The following KLHL18 variants were observed in gnomAD, a reference collection of about 807,000 sequenced individuals.
KLHL18 encodes the protein kelch-like protein 18.
In KLHL18, 38 loss-of-function variants were observed where a neutral mutation model predicts 58.5. That is an observed-to-expected ratio of 0.65 (90% CI 0.50 to 0.85). The LOEUF (loss-of-function observed/expected upper bound fraction) is 0.85, where lower values mean the gene tolerates loss of function less well. Ranked by LOEUF, KLHL18 falls within the 40% of genes least tolerant of loss-of-function variation. The pLI is 0.00. For missense variants in KLHL18, 624 were observed against 778.4 expected (o/e 0.80, Z 2.36); for synonymous variants, 303 against 301.9 (o/e 1.00, Z -0.04).
intron 1 of KLHL18, among the ~76,000 whole-genome samples, chr3:47,288,017 TC>T (rs1199532798): frequency 6.6e-6 from 1 of 151,610 alleles, no homozygotes; most frequent in African/African-American, 2.4e-5. Flanking sequence ...GATCAAGAGA[TC>T]AAGAACATCC....
At position 47,334,840 on chromosome 3, in the gene KLHL18, A is replaced by G. The variant is rs1185389005; in HGVS notation, c.898+21A>G. 5 of 1,598,686 alleles carry G rather than the reference A, an allele frequency of 3.1e-6. No individual in the cohort carries two copies. The South Asian group carries it at 3.4e-5, about 11-fold the overall frequency. On this transcript the variant is annotated intron_variant, in intron 6 of 9. Transcript: ENST00000232766. This position sits in a 1 kb window ranked among gnomAD's most constrained non-coding sequence, Gnocchi z 4.7. Reference sequence around the variant, plus strand: ...AGCAGGTACCTTGCGGCTCCCCTTTATAGACCCTCCTCTTGGACTCCATGG... The same window carrying G: ...AGCAGGTACCTTGCGGCTCCCCTTTGTAGACCCTCCTCTTGGACTCCATGG...
chr3:47,338,507 T>C (rs1289426385), intron 7 of KLHL18: 1 of 152,214 alleles, frequency 6.6e-6, no homozygotes, highest in Admixed American at 6.5e-5. Context: ...GTGGATCAGT[T>C]TGATTACTAT....
At chr3:47,330,975 G>A (rs1703844541) in intron 4 of KLHL18, among the ~76,000 whole-genome samples, 3 of 150,474 alleles carry the variant, frequency 2.0e-5, no homozygotes, top group Admixed American at 6.6e-5. Flanking sequence ...CAAGTGACCC[G>A]CCCATCTTGG....
chr3:47,304,665 C>T (rs1434332294), intron 1 of KLHL18, among the ~76,000 whole-genome samples: 1 of 152,124 alleles, frequency 6.6e-6, no homozygotes, highest in Non-Finnish European at 1.5e-5. Context: ...CTTTGCTGAA[C>T]TCGCTTATTA....
At position 47,343,676 on chromosome 3, in the gene KLHL18, G is replaced by A; in HGVS notation, c.1460G>A (p.Gly487Asp). The stretch of plus-strand genomic sequence containing the variant: ...ATGTTTGTCTGCGGGGGCTACGATG[G>A]CTCTGGCTTCCTCAGCATTGCCGAG... Reference protein sequence around the residue: ...SKMFVCGGYDGSGFLSIAEMY... With the variant: ...SKMFVCGGYDDSGFLSIAEMY... Residue 487 changes from glycine to aspartate, a missense_variant, in exon 10 of 10, where the codon GGC becomes GAC. Physicochemically the swap from Gly to Asp is moderately conservative, Grantham distance 94. Transcript: ENST00000232766. 6.2e-7 allele frequency: 1 copy of A among 1,614,090 alleles called. No homozygotes were observed. Among genetic ancestry groups the A allele is most frequent in the Non-Finnish European group, 8.5e-7 (1 of 1,180,046 alleles).
At position 47,342,953 on chromosome 3, in the gene KLHL18, T is replaced by C. The variant is rs1704142330; in HGVS notation, c.1338+123T>C. The C allele has an allele frequency of 5.8e-5, 41 of 710,164 alleles. 2 individuals carry two copies. In the South Asian group the frequency reaches 7.4e-4, roughly 13 times the overall value. 44.0% of individuals were successfully genotyped at this position (710,164 alleles called of 1,614,324 possible). A position where few individuals can be genotyped will look rare whatever the true frequency, so the allele number is the denominator to read the frequency against. On this transcript the variant is annotated intron_variant, in intron 9 of 9. Transcript: ENST00000232766. The stretch of plus-strand genomic sequence containing the variant: ...CTGAATAAAGTATCATCTAGTGAGG[T>C]TTCAGGCTATCCACTGCACCTTCTG...
At chr3:47,291,822 A>C (rs1162030722) in intron 1 of KLHL18, among the ~76,000 whole-genome samples, 1 of 152,264 alleles carries the variant, frequency 6.6e-6, no homozygotes. Context: ...AGCTTACTAC[A>C]GGTGATCATG....
Position 47,336,566 on chromosome 3 carries a change from C to T in KLHL18, c.930C>T (p.Asp310=), listed in dbSNP as rs1242067895. Residue 310 remains aspartate, a synonymous_variant, in exon 7 of 10, where the codon GAC becomes GAT. Coordinates refer to ENST00000232766, the MANE Select transcript of KLHL18 (RefSeq NM_025010.5). ...CCCTGAATGTGGTGGAAGTGTTCGA[C>T]CCCATTGCCAATTGCTGGGAGAGAT... ...GDSLNVVEVF[D]PIANCWERCR... The T allele has an allele frequency of 1.9e-6, 3 of 1,614,080 alleles. No homozygotes were observed. The highest frequency in any genetic ancestry group is 2.2e-5 in the South Asian group (2 of 91,092).
intron 7 of KLHL18, chr3:47,337,940 T>G (rs1704023151): frequency 6.6e-6 from 1 of 152,254 alleles, no homozygotes; most frequent in African/African-American, 2.4e-5. Flanking sequence ...TTCCTTGCTT[T>G]GATGTTACTG....
rs1703903251 is a variant in KLHL18 at position 47,333,150 on chromosome 3, A to G, written c.601-7A>G. 1 of 1,611,602 alleles carries G rather than the reference A, an allele frequency of 6.2e-7. No homozygotes were observed. The highest frequency in any genetic ancestry group is 1.3e-5 in the African/African-American group (1 of 74,852). Reference sequence around the variant, plus strand: ...ATTTGCTGCCAGAACATCCACTCTCATGACAGGTCTTTGAAGCTGCATTGG... The same window carrying G: ...ATTTGCTGCCAGAACATCCACTCTCGTGACAGGTCTTTGAAGCTGCATTGG... On this transcript the variant is annotated splice_polypyrimidine_tract_variant and splice_region_variant and intron_variant, in intron 4 of 9. Coordinates refer to ENST00000232766, the MANE Select transcript of KLHL18 (RefSeq NM_025010.5).
chr3:47,293,227 TA>T, intron 1 of KLHL18, among the ~76,000 whole-genome samples: 1 of 152,218 alleles, frequency 6.6e-6, no homozygotes. Context: ...AGAATGTACT[TA>T]ATGCCACAGA....
chr3:47,323,235 C>T (rs776509553), intron 3 of KLHL18, among the ~76,000 whole-genome samples: 47 of 152,118 alleles, frequency 3.1e-4, no homozygotes, highest in African/African-American at 1.0e-3. Context: ...ACTACAGGCA[C>T]GTGCCACCAC....
chr3:47,303,373 T>G (rs557568461), intron 1 of KLHL18, among the ~76,000 whole-genome samples: 1 of 152,312 alleles, frequency 6.6e-6, no homozygotes, highest in African/African-American at 2.4e-5. Context: ...GGTAGACCAC[T>G]TTGATGCCTT....
intron 1 of KLHL18, among the ~76,000 whole-genome samples, chr3:47,303,661 A>G (rs1197617375): frequency 1.3e-5 from 2 of 152,120 alleles, no homozygotes; most frequent in Non-Finnish European, 2.9e-5. Context: ...GGGCTCAAGC[A>G]ATTCTCCTGT....
intron 1 of KLHL18, among the ~76,000 whole-genome samples, chr3:47,316,721 G>GTGTGTATATATATACATATATACGTA (rs1559495881): frequency 2.9e-3 from 9 of 3,064 alleles, no homozygotes; most frequent in Admixed American, 7.2e-3. Context: ...ATATGTATAT[G>GTGTGTATATATATACATATATACGTA]TGTGTGTATA....
chr3:47,295,023 A>G (rs1460484596), intron 1 of KLHL18, among the ~76,000 whole-genome samples: 2 of 152,030 alleles, frequency 1.3e-5, no homozygotes, highest in Non-Finnish European at 2.9e-5. Flanking sequence ...ACGTGCCTCT[A>G]CCTCATGTTT....
chr3:47,291,756 T>C (rs1002339640), intron 1 of KLHL18, among the ~76,000 whole-genome samples: 7 of 152,230 alleles, frequency 4.6e-5, no homozygotes, highest in African/African-American at 7.2e-5. Flanking sequence ...TATTTAGGAA[T>C]TGAAGCATTT....
At chr3:47,319,600 G>A in intron 1 of KLHL18, 53 bp from the exon 2 acceptor site, 2 of 1,579,812 alleles carry the variant, frequency 1.3e-6, no homozygotes, top group Non-Finnish European at 1.7e-6. Context: ...TTGTTTGTTT[G>A]TTTTTGTTTT....
intron 2 of KLHL18, 63 bp downstream of exon 2, chr3:47,319,846 G>A (rs1356453081): frequency 2.5e-5 from 40 of 1,581,932 alleles, no homozygotes; most frequent in East Asian, 4.5e-5. Context: ...GCCTGTGCAC[G>A]GTTCCGTTGA....
Sources: allele counts gnomAD v4.1 joint callset (sites outside exome capture counted in the v4.1 genomes callset), GRCh38; gene constraint gnomAD v4.1.1; non-coding constraint Gnocchi (gnomAD v3.1); transcripts MANE v1.5; gene names NCBI Gene and HGNC (gene_info 2026-07-23, HGNC 2026-07-21).